Variants in GRIK2 observed in about 807,000 individuals in gnomAD.
GRIK2 encodes glutamate ionotropic receptor kainate type subunit 2, also known as glutamate receptor ionotropic, kainate 2.
GRIK2 carries 32 observed loss-of-function variants against 100.3 expected under a neutral mutation model. The observed-to-expected ratio is 0.32, with a 90% CI of 0.24 to 0.43. GRIK2 has a LOEUF of 0.43. GRIK2 is among the 20% of genes least tolerant of loss of function. The pLI is 1.00. For synonymous variants in GRIK2, 417 were observed against 389.4 expected (o/e 1.07, Z -0.83); for missense variants, 843 against 1,114.9 (o/e 0.76, Z 3.47).
At chr6:101,624,866 G>A (rs908034982) in intron 3 of GRIK2, among the ~76,000 whole-genome samples, 10 of 152,208 alleles carry the variant, frequency 6.6e-5, no homozygotes, top group Non-Finnish European at 1.3e-4. Context: ...CAAGTAGCTA[G>A]GACTATAGGC....
intron 14 of GRIK2, among the ~76,000 whole-genome samples, chr6:101,955,197 G>A (rs369086761): frequency 2.6e-5 from 4 of 152,114 alleles, no homozygotes; most frequent in African/African-American, 9.6e-5. Flanking sequence ...TTGATATCAG[G>A]TTGACACTGG....
chr6:101,877,401 A>G (rs79676076), intron 11 of GRIK2, among the ~76,000 whole-genome samples: 11,453 of 151,926 alleles, frequency 0.075, 1,118 homozygotes, highest in African/African-American at 0.23. Flanking sequence ...TAGCATTTAC[A>G]TTGACTTAAT....
intron 2 of GRIK2, among the ~76,000 whole-genome samples, chr6:101,552,328 G>A (rs905077111): frequency 1.3e-5 from 2 of 152,224 alleles, no homozygotes; most frequent in Middle Eastern, 3.4e-3. Context: ...CAAATTTCTA[G>A]TTTTAAGAAG....
chr6:101,579,436 ATTTCTTTTT>A (rs981797012), intron 2 of GRIK2, among the ~76,000 whole-genome samples: 3 of 149,290 alleles, frequency 2.0e-5, no homozygotes, highest in South Asian at 2.1e-4. Flanking sequence ...TTTATCTTTT[ATTTCTTTTT>A]TTTCTTTCTT....
intron 2 of GRIK2, among the ~76,000 whole-genome samples, chr6:101,600,414 A>G (rs1779154792): frequency 6.6e-6 from 1 of 151,822 alleles, no homozygotes; most frequent in South Asian, 2.1e-4. Flanking sequence ...AATTTGGAAT[A>G]GTTTTCTTCT....
At chr6:101,962,979 AT>A (rs144734031) in intron 14 of GRIK2, among the ~76,000 whole-genome samples, 2,794 of 149,598 alleles carry the variant, frequency 0.019, 93 homozygotes, top group African/African-American at 0.065. Context: ...AGGCAGTTGA[AT>A]TTTTTTTTTA....
chr6:101,565,690 G>A (rs1192302692), intron 2 of GRIK2, among the ~76,000 whole-genome samples: 2 of 151,600 alleles, frequency 1.3e-5, no homozygotes, highest in African/African-American at 2.4e-5. Flanking sequence ...ACCTGTGTCA[G>A]AAATCCATAT....
At chr6:101,491,466 T>C (rs1169608522) in intron 2 of GRIK2, among the ~76,000 whole-genome samples, 1 of 151,990 alleles carries the variant, frequency 6.6e-6, no homozygotes, top group East Asian at 1.9e-4. Context: ...TTTAACTTTT[T>C]CAATGTTTCT....
intron 14 of GRIK2, among the ~76,000 whole-genome samples, chr6:102,003,033 A>G (rs1795032183): frequency 6.6e-6 from 1 of 151,468 alleles, no homozygotes; most frequent in South Asian, 2.1e-4. Context: ...TTTATTTTTA[A>G]ACTTTCTTTG....
At chr6:101,553,205 G>A (rs1776592477) in intron 2 of GRIK2, among the ~76,000 whole-genome samples, 1 of 152,110 alleles carries the variant, frequency 6.6e-6, no homozygotes, top group Non-Finnish European at 1.5e-5. Flanking sequence ...GGTTTAATAT[G>A]GCACGGCAAT....
chr6:101,892,121 T>A (rs1787144505), intron 12 of GRIK2, among the ~76,000 whole-genome samples: 2 of 152,242 alleles, frequency 1.3e-5, no homozygotes, highest in South Asian at 4.1e-4. Flanking sequence ...TAGACGAAAG[T>A]GTCATGAGAC....
At chr6:102,015,942 C>A (rs902531611) in intron 14 of GRIK2, among the ~76,000 whole-genome samples, 3 of 152,060 alleles carry the variant, frequency 2.0e-5, no homozygotes, top group African/African-American at 7.2e-5. Flanking sequence ...GTTGACTGAA[C>A]CCACCTTATA....
intron 2 of GRIK2, among the ~76,000 whole-genome samples, chr6:101,597,594 C>A (rs1156275395): frequency 6.6e-6 from 1 of 151,734 alleles, no homozygotes; most frequent in Non-Finnish European, 1.5e-5. Flanking sequence ...GCTCTATTCT[C>A]TGACACAAAG....
chr6:101,936,335 A>C (rs1392305809), intron 14 of GRIK2, among the ~76,000 whole-genome samples: 1 of 152,014 alleles, frequency 6.6e-6, no homozygotes, highest in Non-Finnish European at 1.5e-5. Flanking sequence ...GAAATATCGA[A>C]TGTGGGAAAT....
intron 2 of GRIK2, among the ~76,000 whole-genome samples, chr6:101,470,143 C>A (rs766083221): frequency 2.0e-5 from 3 of 152,038 alleles, no homozygotes; most frequent in Non-Finnish European, 4.4e-5. Context: ...AGATGACCAC[C>A]CAAACTCTTT....
intron 7 of GRIK2, among the ~76,000 whole-genome samples, chr6:101,771,191 A>G (rs1778379099): frequency 6.6e-6 from 1 of 152,160 alleles, no homozygotes; most frequent in South Asian, 2.1e-4. Context: ...TTATAAAATT[A>G]GTTAAGAGCA....
At chr6:101,586,532 G>A (rs1430239361) in intron 2 of GRIK2, among the ~76,000 whole-genome samples, 1 of 151,756 alleles carries the variant, frequency 6.6e-6, no homozygotes, top group Admixed American at 6.6e-5. Flanking sequence ...TCCCTCTCAG[G>A]ATGAGTCCAA....
chr6:101,737,988 A>G lies in GRIK2; in HGVS notation c.951+51635A>G, dbSNP rs528635020. 3.3e-5 allele frequency among the ~76,000 whole-genome samples: 5 copies of G among 152,294 alleles called. No homozygotes were observed. The South Asian group carries it at 1.0e-3, about 32-fold the overall frequency. On this transcript the variant is annotated intron_variant, in intron 7 of 16. Transcript: ENST00000369134. ...GCAAATGAATTATTGACTACTTACA[A>G]ATATCAGGCCTAAGAAGATAGAGAT...
intron 2 of GRIK2, among the ~76,000 whole-genome samples, chr6:101,554,970 T>G (rs1379710911): frequency 6.6e-6 from 1 of 152,164 alleles, no homozygotes. Flanking sequence ...AGAAAAGATT[T>G]TAAAATAGTG....
Sources: allele counts gnomAD v4.1 joint callset (sites outside exome capture counted in the v4.1 genomes callset), GRCh38; gene constraint gnomAD v4.1.1; transcripts MANE v1.5; gene names NCBI Gene and HGNC (gene_info 2026-07-23, HGNC 2026-07-21).